STAG1: variants seen among roughly 807,000 people sequenced by gnomAD.
STAG1 encodes cohesin subunit SA-1.
A neutral mutation model predicts 170.9 loss-of-function variants in STAG1; 26 were observed. The ratio of observed to expected loss-of-function variants is 0.15; its 90% CI spans 0.11 to 0.21. The LOEUF (loss-of-function observed/expected upper bound fraction) is 0.21. Ranked by LOEUF, STAG1 falls within the 10% of genes least tolerant of loss-of-function variation. STAG1 has a pLI of 1.00. For synonymous variants in STAG1, 514 were observed against 497.7 expected, an observed-to-expected ratio of 1.03 and a Z score of -0.44; for missense variants, 964 against 1,509.5, an observed-to-expected ratio of 0.64 and a Z score of 5.99.
At chr3:136,486,907 G>A (rs1019855889) in intron 9 of STAG1, among the ~76,000 whole-genome samples, 2 of 139,584 alleles carry the variant, frequency 1.4e-5, no homozygotes, top group Admixed American at 8.1e-5. Flanking sequence ...AATTTCTAAC[G>A]TCTTTGTTGT....
At position 136,577,123 on chromosome 3, in the gene STAG1, G is replaced by A. The variant is rs911530092; in HGVS notation, c.298-8262C>T. On this transcript the variant is annotated intron_variant, in intron 4 of 33. Transcript: ENST00000383202. ...CATGGCTGCTGAATTTAGGAATTAC[G>A]GCAATAATTATGGCTGTAAAGGCAG... Among the ~76,000 whole-genome samples, 8 of 152,146 alleles carry A rather than the reference G, an allele frequency of 5.3e-5. No individual in the cohort carries two copies. In the South Asian group the frequency reaches 6.2e-4, roughly 12 times the overall value.
intron 4 of STAG1, among the ~76,000 whole-genome samples, chr3:136,575,973 A>C (rs1456282396): frequency 6.6e-6 from 1 of 152,210 alleles, no homozygotes; most frequent in Non-Finnish European, 1.5e-5. Context: ...CACCTCTGCC[A>C]AAAACTGCCC....
At chr3:136,727,083 T>TA (rs1449377299) in intron 1 of STAG1, among the ~76,000 whole-genome samples, 1 of 152,212 alleles carries the variant, frequency 6.6e-6, no homozygotes, top group African/African-American at 2.4e-5. Context: ...TTATCCATCA[T>TA]AACACCTCAT....
At chr3:136,488,935 G>C (rs2090069646) in intron 9 of STAG1, among the ~76,000 whole-genome samples, 1 of 152,256 alleles carries the variant, frequency 6.6e-6, no homozygotes, top group South Asian at 2.1e-4. Context: ...TAAGAAAGAT[G>C]TCTAGCTGAG....
chr3:136,693,355 T>C (rs1037308575), intron 1 of STAG1, among the ~76,000 whole-genome samples: 1 of 152,176 alleles, frequency 6.6e-6, no homozygotes, highest in Non-Finnish European at 1.5e-5. Flanking sequence ...AGAACTTCAC[T>C]GCCAATTTGA....
intron 9 of STAG1, among the ~76,000 whole-genome samples, chr3:136,498,263 CA>C (rs1933254112): frequency 8.8e-5 from 8 of 90,790 alleles, no homozygotes; most frequent in South Asian, 4.0e-4. Context: ...CACACACACA[CA>C]CACACACACC....
Position 136,338,109 on chromosome 3 carries a change from C to T in STAG1, c.*145G>A, listed in dbSNP as rs938181922. ...TAATTTACATGCTCCTCTTCTGTCA[C>T]TGCAAAAAGGGATTGACCTTAATCA... On this transcript the variant is annotated 3_prime_UTR_variant, in exon 34 of 34. Transcript: ENST00000383202. 1 of 619,684 alleles carries T rather than the reference C, an allele frequency of 1.6e-6. No homozygotes were observed. Among genetic ancestry groups the T allele is most frequent in the Non-Finnish European group, 2.9e-6 (1 of 346,978 alleles). 38.4% of individuals were successfully genotyped at this position (619,684 alleles called of 1,614,324 possible).
chr3:136,367,255 G>C (rs1937110341), intron 24 of STAG1, among the ~76,000 whole-genome samples, 173 bp from the exon 25 acceptor site: 1 of 152,076 alleles, frequency 6.6e-6, no homozygotes, highest in Admixed American at 6.6e-5. Context: ...GCTGTATTTA[G>C]TTACTCATTT....
At chr3:136,734,040 G>C (rs1194725431) in intron 1 of STAG1, among the ~76,000 whole-genome samples, 6 of 150,196 alleles carry the variant, frequency 4.0e-5, no homozygotes, top group Non-Finnish European at 3.0e-5. Flanking sequence ...CCGGGAGGCA[G>C]AGCTTGCAGT....
chr3:136,630,832 C>A (rs1337775799), intron 2 of STAG1, 38 bp downstream of exon 2: 4 of 1,455,796 alleles, frequency 2.7e-6, no homozygotes, highest in Non-Finnish European at 3.7e-6. Context: ...CAAAATTTTC[C>A]TTAAAAAATA....
chr3:136,460,428 C>A (rs1300747995), intron 13 of STAG1, among the ~76,000 whole-genome samples: 1 of 152,014 alleles, frequency 6.6e-6, no homozygotes, highest in Admixed American at 6.6e-5. Context: ...ATGGTGAAAC[C>A]CCATCTCTAC....
intron 21 of STAG1, among the ~76,000 whole-genome samples, chr3:136,407,621 C>T (rs537489234): frequency 6.5e-4 from 98 of 151,916 alleles, no homozygotes; most frequent in African/African-American, 2.3e-3. Flanking sequence ...GCCACCATGC[C>T]GAGCTAATTT....
intron 4 of STAG1, among the ~76,000 whole-genome samples, chr3:136,569,667 C>T (rs753430792): frequency 3.3e-5 from 5 of 151,812 alleles, no homozygotes; most frequent in African/African-American, 4.8e-5. Flanking sequence ...TAAAGTGATT[C>T]AAGAGATTAA....
chr3:136,338,095 C>T lies in STAG1; in HGVS notation c.*159G>A, dbSNP rs1401471192. On this transcript the variant is annotated 3_prime_UTR_variant, in exon 34 of 34. Coordinates refer to ENST00000383202, the MANE Select transcript of STAG1 (RefSeq NM_005862.3). ...AACATTCCCTTGGGTAATTTACATG[C>T]TCCTCTTCTGTCACTGCAAAAAGGG... is the stretch of plus-strand genomic sequence containing the variant. The T allele has an allele frequency of 1.2e-5, 7 of 592,330 alleles. No individual in the cohort carries two copies. In the Middle Eastern group the frequency reaches 1.3e-3, roughly 113 times the overall value. 36.7% of individuals were successfully genotyped at this position (592,330 alleles called of 1,614,324 possible). A position where few individuals can be genotyped will look rare whatever the true frequency, so the allele number is the denominator to read the frequency against.
chr3:136,525,573 G>A (rs576855472), intron 6 of STAG1, among the ~76,000 whole-genome samples: 76 of 152,100 alleles, frequency 5.0e-4, no homozygotes, highest in African/African-American at 1.8e-3. Flanking sequence ...TTTTTTGAAG[G>A]GTTTTTTCTG....
chr3:136,497,196 GA>G (rs1933155266), intron 9 of STAG1, among the ~76,000 whole-genome samples: 1 of 151,904 alleles, frequency 6.6e-6, no homozygotes, highest in Admixed American at 6.6e-5. Context: ...AACTCACCGA[GA>G]AAATTAAAGA....
At chr3:136,593,498 G>C (rs1031800182) in intron 4 of STAG1, among the ~76,000 whole-genome samples, 1 of 152,098 alleles carries the variant, frequency 6.6e-6, no homozygotes, top group Non-Finnish European at 1.5e-5. Context: ...GGAAAATCCA[G>C]TTTTGAAAAA....
At chr3:136,573,285 G>GTATGGGCA (rs1382169197) in intron 4 of STAG1, among the ~76,000 whole-genome samples, 1 of 152,114 alleles carries the variant, frequency 6.6e-6, no homozygotes, top group Non-Finnish European at 1.5e-5. Context: ...GCATTGCCAA[G>GTATGGGCA]TATGGGCATA....
intron 14 of STAG1, among the ~76,000 whole-genome samples, chr3:136,444,851 C>A (rs1274061158): frequency 6.6e-6 from 1 of 152,096 alleles, no homozygotes; most frequent in Non-Finnish European, 1.5e-5. Flanking sequence ...TCACTCTTAA[C>A]TTCAGTGTGA....
Sources: gnomAD v4.1 joint callset for allele counts (sites outside exome capture counted in the v4.1 genomes callset) on GRCh38, gnomAD v4.1.1 for gene constraint, MANE v1.5 for transcripts, NCBI Gene and HGNC (gene_info 2026-07-23, HGNC 2026-07-21) for gene names.